Variants in SAXO1 observed in about 807,000 individuals in gnomAD.
The protein encoded by SAXO1 is stabilizer of axonemal microtubules 1.
In SAXO1, 21 loss-of-function variants were observed where a neutral mutation model predicts 17.5. The ratio of observed to expected loss-of-function variants is 1.20; its 90% confidence interval spans 0.85 to 1.72. The LOEUF (loss-of-function observed/expected upper bound fraction) is 1.72, where lower values mean the gene tolerates loss of function less well. Among genes scored for constraint, SAXO1 ranks in the 40% most tolerant of loss-of-function variants. The probability of loss-of-function intolerance (pLI) is 0.00; values close to 1 mark genes in which losing one functional copy is unlikely to be tolerated. For missense variants in SAXO1, 843 were observed against 596.0 expected, an observed-to-expected ratio of 1.41 and a Z score of -4.32; for synonymous variants, 274 against 216.5, an observed-to-expected ratio of 1.27 and a Z score of -2.33.
chr9:19,010,516 G>A (rs1834684922), intron 1 of SAXO1, among the ~76,000 whole-genome samples: 1 of 151,496 alleles, frequency 6.6e-6, no homozygotes, highest in Non-Finnish European at 1.5e-5. Context: ...TTTAGAACCT[G>A]GCCAAGAATG....
chr9:18,998,533 A>G (rs947400738), intron 1 of SAXO1, among the ~76,000 whole-genome samples: 1 of 152,210 alleles, frequency 6.6e-6, no homozygotes, highest in Non-Finnish European at 1.5e-5. Flanking sequence ...CAAGTTAGAA[A>G]ACACTCTTCG....
intron 3 of SAXO1, among the ~76,000 whole-genome samples, chr9:18,935,262 G>A (rs1020537975): frequency 2.0e-5 from 3 of 152,158 alleles, no homozygotes; most frequent in Non-Finnish European, 2.9e-5. Context: ...CCAATGATTG[G>A]TCAGAAGTTA....
In SAXO1 at chr9:18,996,942, CA is replaced by C. The variant is rs35617158; in HGVS notation, c.38+35928del. 2.1e-4 allele frequency among the ~76,000 whole-genome samples: 32 copies of C among 149,026 alleles called. No individual in the cohort carries two copies. The East Asian group carries it at 3.1e-3, about 15-fold the overall frequency. On this transcript the variant is annotated intron_variant, in intron 1 of 3. Coordinates refer to ENST00000380534, the MANE Select transcript of SAXO1 (RefSeq NM_153707.4). Reference sequence around the variant, plus strand: ...ATGACATGATCTCATATGTAAAACCCAAAAAAAAAATCTAGGCAAATTTAGG... The same window carrying C: ...ATGACATGATCTCATATGTAAAACCCAAAAAAAAATCTAGGCAAATTTAGG...
chr9:19,003,645 A>T (rs1304396692), intron 1 of SAXO1, among the ~76,000 whole-genome samples: 2 of 152,220 alleles, frequency 1.3e-5, no homozygotes, highest in Non-Finnish European at 2.9e-5. Flanking sequence ...CAATGGGGAA[A>T]AGATTCCCTA....
At chr9:19,028,271 G>C in intron 1 of SAXO1, 1 of 648,926 alleles carries the variant, frequency 1.5e-6, no homozygotes, top group Non-Finnish European at 2.6e-6. Flanking sequence ...AGCTGCTCGG[G>C]AGGCTGAGGC....
chr9:19,041,881 G>A (rs563045317), intron 1 of SAXO1, among the ~76,000 whole-genome samples: 2 of 152,064 alleles, frequency 1.3e-5, no homozygotes, highest in Non-Finnish European at 2.9e-5. Flanking sequence ...ACATTGGTCT[G>A]GACAAAAACT....
intron 2 of SAXO1, among the ~76,000 whole-genome samples, chr9:18,942,636 G>A (rs567926348): frequency 3.3e-5 from 5 of 152,096 alleles, no homozygotes; most frequent in African/African-American, 1.2e-4. Flanking sequence ...ATTGTTTCAG[G>A]GAGTACCAAA....
intron 1 of SAXO1, among the ~76,000 whole-genome samples, chr9:19,041,137 C>G (rs1907051): frequency 7.0e-6 from 1 of 142,184 alleles, no homozygotes; most frequent in African/African-American, 2.7e-5. Flanking sequence ...AGGAGCACTT[C>G]TACCTGCCAA....
At chr9:18,992,736 G>T (rs962391907) in intron 1 of SAXO1, among the ~76,000 whole-genome samples, 1 of 151,926 alleles carries the variant, frequency 6.6e-6, no homozygotes, top group African/African-American at 2.4e-5. Context: ...AGATGACTAC[G>T]ATCTCATGAG....
intron 1 of SAXO1, among the ~76,000 whole-genome samples, chr9:19,032,291 TC>T (rs1835805042): frequency 6.6e-6 from 1 of 152,096 alleles, no homozygotes; most frequent in African/African-American, 2.4e-5. Flanking sequence ...GTCCATGATT[TC>T]CCCCAGGACC....
chr9:18,927,857 T>G lies in SAXO1; in HGVS notation c.*195A>C. The stretch of plus-strand genomic sequence containing the variant: ...GCAGTAAAGGAGAAGGTAAGGGGAG[T>G]TAATTAGCCGGTGATTAAATGTCAT... On this transcript the variant is annotated 3_prime_UTR_variant, in exon 4 of 4. Transcript: ENST00000380534. The G allele has an allele frequency of 1.8e-6, 1 of 556,224 alleles. No homozygotes were observed. The highest frequency in any genetic ancestry group is 3.0e-6 in the Non-Finnish European group (1 of 331,382). The allele number at this position is 556,224 out of a possible 1,614,324, so 34.5% of individuals were successfully genotyped here. A position where few individuals can be genotyped will look rare whatever the true frequency, so the allele number is the denominator to read the frequency against.
chr9:19,038,762 A>T (rs904021741), intron 1 of SAXO1, among the ~76,000 whole-genome samples: 1 of 152,156 alleles, frequency 6.6e-6, no homozygotes. Flanking sequence ...ATAATAATAA[A>T]AAAAAAAGAA....
intron 1 of SAXO1, among the ~76,000 whole-genome samples, chr9:19,030,147 G>A (rs546257925): frequency 3.3e-5 from 5 of 152,196 alleles, no homozygotes; most frequent in East Asian, 1.9e-4. Context: ...AGCAGGAGGA[G>A]GGAACATAGG....
chr9:19,028,195 C>A, intron 1 of SAXO1: 2 of 1,132,600 alleles, frequency 1.8e-6, no homozygotes, highest in Non-Finnish European at 2.5e-6. Context: ...GGTTTAGAGG[C>A]AAAATAAAAC....
intron 1 of SAXO1, among the ~76,000 whole-genome samples, chr9:18,970,680 G>A (rs371417098): frequency 7.9e-5 from 12 of 152,244 alleles, no homozygotes; most frequent in African/African-American, 2.9e-4. Context: ...AGGCCCAAAG[G>A]ACTAGATTCC....
chr9:18,958,992 G>A (rs1407236573), intron 1 of SAXO1, among the ~76,000 whole-genome samples: 3 of 152,152 alleles, frequency 2.0e-5, no homozygotes, highest in Non-Finnish European at 2.9e-5. Context: ...ACAAAGAAAC[G>A]ACTTTTATAT....
At chr9:18,998,960 A>G (rs968840779) in intron 1 of SAXO1, among the ~76,000 whole-genome samples, 3 of 152,240 alleles carry the variant, frequency 2.0e-5, no homozygotes, top group Non-Finnish European at 4.4e-5. Flanking sequence ...AGGAAGCACT[A>G]AATACAGAAA....
At chr9:19,005,708 T>C (rs893829403) in intron 1 of SAXO1, among the ~76,000 whole-genome samples, 4 of 152,198 alleles carry the variant, frequency 2.6e-5, no homozygotes, top group African/African-American at 7.2e-5. Flanking sequence ...AATCATGACA[T>C]TGGATTTGGC....
intron 1 of SAXO1, among the ~76,000 whole-genome samples, chr9:19,046,929 GT>G (rs1836230521): frequency 6.6e-6 from 1 of 152,228 alleles, no homozygotes; most frequent in Non-Finnish European, 1.5e-5. Flanking sequence ...GCGCATGCCT[GT>G]AACCCCAGCA....
Sources: gnomAD v4.1 joint callset for allele counts (sites outside exome capture counted in the v4.1 genomes callset) on GRCh38, gnomAD v4.1.1 for gene constraint, MANE v1.5 for transcripts, NCBI Gene and HGNC (gene_info 2026-07-23, HGNC 2026-07-21) for gene names.